The following PALM2AKAP2 variants were observed in gnomAD, a reference collection of about 807,000 sequenced individuals.
PALM2AKAP2 encodes PALM2 and AKAP2 fusion.
Under a neutral mutation model 71.5 loss-of-function variants are expected in PALM2AKAP2, and 37 were observed. The observed-to-expected ratio is 0.52, with a 90% CI of 0.40 to 0.68. The LOEUF is 0.68. Ranked by LOEUF, PALM2AKAP2 falls within the 30% of genes least tolerant of loss-of-function variation. The probability of loss-of-function intolerance (pLI) is 0.00; values close to 1 mark genes in which losing one functional copy is unlikely to be tolerated. For synonymous variants in PALM2AKAP2, 468 were observed against 478.8 expected (o/e 0.98, Z 0.29); for missense variants, 1,224 against 1,191.8 (o/e 1.03, Z -0.40).
chr9:109,691,877 CACACATATATATATATATATATAT>C (rs1483494114), intron 1 of PALM2AKAP2, among the ~76,000 whole-genome samples: 30 of 49,450 alleles, frequency 6.1e-4, no homozygotes, highest in African/African-American at 2.0e-3. Context: ...TACACACACA[CACACATATATATATATATATATAT>C]ACACACACAC....
intron 1 of PALM2AKAP2, among the ~76,000 whole-genome samples, chr9:109,760,891 A>T (rs1268617371): frequency 6.6e-6 from 1 of 151,764 alleles, no homozygotes; most frequent in Non-Finnish European, 1.5e-5. Flanking sequence ...TTCCTTTTTT[A>T]CTCAAAGTAA....
intron 1 of PALM2AKAP2, among the ~76,000 whole-genome samples, chr9:110,114,898 A>C (rs1835330607): frequency 6.6e-6 from 1 of 152,188 alleles, no homozygotes; most frequent in Non-Finnish European, 1.5e-5. Context: ...GAGATTCTTC[A>C]TAAATGAGAG....
intron 2 of PALM2AKAP2, among the ~76,000 whole-genome samples, chr9:110,156,102 T>G (rs1410289747): frequency 1.3e-5 from 2 of 152,204 alleles, no homozygotes; most frequent in African/African-American, 4.8e-5. Flanking sequence ...CTAACTGACT[T>G]TTTGGAACTT....
At chr9:109,691,205 A>T (rs1564114400) in intron 1 of PALM2AKAP2, among the ~76,000 whole-genome samples, 1 of 148,708 alleles carries the variant, frequency 6.7e-6, no homozygotes, top group East Asian at 2.0e-4. Flanking sequence ...ACACACACAC[A>T]TGCACACACA....
At chr9:109,841,352 A>AC (rs1302585716) in intron 1 of PALM2AKAP2, among the ~76,000 whole-genome samples, 2 of 118,064 alleles carry the variant, frequency 1.7e-5, no homozygotes, top group Non-Finnish European at 3.4e-5. Flanking sequence ...AACATCATAC[A>AC]CTGGGGCCTG....
At chr9:109,894,532 T>A (rs1397418482) in intron 3 of PALM2AKAP2, among the ~76,000 whole-genome samples, 1 of 152,152 alleles carries the variant, frequency 6.6e-6, no homozygotes, top group African/African-American at 2.4e-5. Context: ...CAGTAAGGTG[T>A]TTAGAAACTT....
chr9:109,848,566 G>A (rs1049308489), intron 1 of PALM2AKAP2, among the ~76,000 whole-genome samples: 1 of 152,050 alleles, frequency 6.6e-6, no homozygotes, highest in Non-Finnish European at 1.5e-5. Context: ...TCAGTTCTTG[G>A]TGCTCTCTAA....
At chr9:109,927,632 G>A (rs558525092) in intron 5 of PALM2AKAP2, among the ~76,000 whole-genome samples, 2 of 152,276 alleles carry the variant, frequency 1.3e-5, no homozygotes, top group South Asian at 2.1e-4. Context: ...TAGAGGTACC[G>A]TACTGCTGGA....
At chr9:109,764,955 T>C (rs190881645) in intron 1 of PALM2AKAP2, among the ~76,000 whole-genome samples, 4 of 152,330 alleles carry the variant, frequency 2.6e-5, no homozygotes, top group East Asian at 3.9e-4. Flanking sequence ...TACTCAGGAT[T>C]CATATCTTTG....
intron 1 of PALM2AKAP2, among the ~76,000 whole-genome samples, chr9:109,773,117 CA>C (rs903726903): frequency 4.8e-5 from 7 of 145,422 alleles, no homozygotes; most frequent in Admixed American, 6.8e-5. Flanking sequence ...GACTCCATCT[CA>C]AAAAAAAAAG....
intron 7 of PALM2AKAP2, among the ~76,000 whole-genome samples, chr9:110,023,593 C>T (rs140024506): frequency 0.021 from 3,214 of 151,802 alleles, 125 homozygotes; most frequent in African/African-American, 0.073. Context: ...GGATTACAGG[C>T]GTGAGCCACA....
At chr9:110,093,152 T>G (rs947933587) in intron 1 of PALM2AKAP2, among the ~76,000 whole-genome samples, 2 of 152,232 alleles carry the variant, frequency 1.3e-5, no homozygotes, top group African/African-American at 4.8e-5. Flanking sequence ...TGTAGCCAGT[T>G]GTTGTCTTTG....
At chr9:109,881,747 G>A (rs1185250505) in intron 3 of PALM2AKAP2, among the ~76,000 whole-genome samples, 2 of 152,084 alleles carry the variant, frequency 1.3e-5, no homozygotes, top group African/African-American at 4.8e-5. Context: ...AGAGAGATAT[G>A]AGATAGGGAT....
At chr9:109,858,557 T>C (rs1323825444) in intron 1 of PALM2AKAP2, among the ~76,000 whole-genome samples, 3 of 152,154 alleles carry the variant, frequency 2.0e-5, no homozygotes, top group Non-Finnish European at 2.9e-5. Context: ...CCCTACCTGA[T>C]ACGAGATCTC....
Position 110,088,703 on chromosome 9 carries a change from G to GTTTTT in PALM2AKAP2, c.156+39876_156+39880dup, listed in dbSNP as rs71373964. Among the ~76,000 whole-genome samples the GTTTTT allele has an allele frequency of 2.5e-3, 191 of 75,574 alleles. 18 individuals are homozygous for GTTTTT. Among genetic ancestry groups the GTTTTT allele is most frequent in the East Asian group, 7.4e-3 (11 of 1,486 alleles). The allele number at this position is 75,574 out of a possible 152,430, so 49.6% of individuals were successfully genotyped here. A position where few individuals can be genotyped will look rare whatever the true frequency, so the allele number is the denominator to read the frequency against. Reference sequence around the variant, plus strand: ...TAGCTATTAAAGTTTGCATTTACGTGTTTTTTTTTTTTTTTTTTTTTTTTT... The same window carrying GTTTTT: ...TAGCTATTAAAGTTTGCATTTACGTGTTTTTTTTTTTTTTTTTTTTTTTTTTTTTT... On this transcript the variant is annotated intron_variant, in intron 1 of 3. Coordinates refer to ENST00000374525, the Ensembl canonical transcript of PALM2AKAP2.
chr9:109,812,940 C>A (rs1000784874), intron 1 of PALM2AKAP2, among the ~76,000 whole-genome samples: 2 of 152,212 alleles, frequency 1.3e-5, no homozygotes, highest in Non-Finnish European at 2.9e-5. Flanking sequence ...CAATAAAAGA[C>A]ACTGCTGGAA....
At chr9:109,852,893 A>G (rs1829060504) in intron 1 of PALM2AKAP2, among the ~76,000 whole-genome samples, 2 of 151,898 alleles carry the variant, frequency 1.3e-5, no homozygotes, top group East Asian at 1.9e-4. Context: ...TTACTTGTCA[A>G]TTTGTTTCAG....
chr9:110,099,626 GC>G (rs1834943830), intron 1 of PALM2AKAP2, among the ~76,000 whole-genome samples: 1 of 152,154 alleles, frequency 6.6e-6, no homozygotes. Context: ...TGAATAGGTT[GC>G]CCCCAGGGGG....
At chr9:109,961,924 A>G (rs1250187969) in intron 6 of PALM2AKAP2, among the ~76,000 whole-genome samples, 1 of 152,254 alleles carries the variant, frequency 6.6e-6, no homozygotes, top group African/African-American at 2.4e-5. Context: ...AGGCAGATAG[A>G]GACCCACTGG....
Sources: gnomAD v4.1 joint callset for allele counts (sites outside exome capture counted in the v4.1 genomes callset) on GRCh38, gnomAD v4.1.1 for gene constraint, MANE v1.5 for transcripts, NCBI Gene and HGNC (gene_info 2026-07-23, HGNC 2026-07-21) for gene names.